Variants in CNTN1 observed in about 807,000 individuals in gnomAD.
The protein encoded by CNTN1 is contactin 1, also known as contactin-1.
CNTN1 carries 38 observed loss-of-function variants against 126.4 expected under a neutral mutation model. That is an observed-to-expected ratio of 0.30 (90% confidence interval 0.23 to 0.39). CNTN1 has a LOEUF of 0.39. CNTN1 is among the 10% of genes least tolerant of loss of function. The pLI, the probability that CNTN1 is intolerant of heterozygous loss-of-function variation, is 1.00. For synonymous variants in CNTN1, 413 were observed against 422.6 expected, an observed-to-expected ratio of 0.98 and a Z score of 0.28; for missense variants, 1,009 against 1,248.4, an observed-to-expected ratio of 0.81 and a Z score of 2.89.
intron 16 of CNTN1, among the ~76,000 whole-genome samples, chr12:40,989,349 T>C (rs1298505725): frequency 6.6e-6 from 1 of 152,180 alleles, no homozygotes; most frequent in Non-Finnish European, 1.5e-5. Context: ...AACCATGTTT[T>C]TAAAAAGCAT....
At chr12:40,842,135 G>T (rs1942309157) in intron 1 of CNTN1, among the ~76,000 whole-genome samples, 1 of 151,986 alleles carries the variant, frequency 6.6e-6, no homozygotes, top group Non-Finnish European at 1.5e-5. Context: ...AATGTGACTG[G>T]CAAATACAGA....
At chr12:40,957,591 A>AT (rs1263788316) in intron 14 of CNTN1, among the ~76,000 whole-genome samples, 9 of 138,092 alleles carry the variant, frequency 6.5e-5, no homozygotes, top group African/African-American at 1.6e-4. Flanking sequence ...CTGGTATGAC[A>AT]AAAATAAATA....
At chr12:40,763,911 A>G (rs901860592) in intron 1 of CNTN1, among the ~76,000 whole-genome samples, 24 of 152,136 alleles carry the variant, frequency 1.6e-4, no homozygotes, top group Admixed American at 5.2e-4. Context: ...CTCTCAGAAT[A>G]TCTCATTAGG....
intron 21 of CNTN1, among the ~76,000 whole-genome samples, chr12:41,026,130 T>C (rs1488511065): frequency 1.3e-5 from 2 of 152,208 alleles, no homozygotes; most frequent in Non-Finnish European, 2.9e-5. Context: ...AAATTACCTA[T>C]TTAAACCTCA....
chr12:40,898,024 T>A (rs115950720), intron 1 of CNTN1, among the ~76,000 whole-genome samples: 1,955 of 152,296 alleles, frequency 0.013, 43 homozygotes, highest in African/African-American at 0.044. Context: ...TTGACCTTTA[T>A]TATTCTCCTT....
chr12:40,896,909 A>T (rs755815185), intron 1 of CNTN1, among the ~76,000 whole-genome samples: 4 of 152,224 alleles, frequency 2.6e-5, no homozygotes, highest in Non-Finnish European at 4.4e-5. Context: ...TAGAGTTGAA[A>T]TTCTTATTTT....
chr12:40,837,971 C>T (rs1056042817), intron 1 of CNTN1, among the ~76,000 whole-genome samples: 2 of 152,154 alleles, frequency 1.3e-5, no homozygotes, highest in African/African-American at 2.4e-5. Flanking sequence ...CCACCCTCTC[C>T]AATGGCAGGG....
intron 23 of CNTN1, among the ~76,000 whole-genome samples, chr12:41,048,754 G>T (rs771025297): frequency 6.6e-6 from 1 of 152,006 alleles, no homozygotes; most frequent in African/African-American, 2.4e-5. Context: ...GAAGGAAGGA[G>T]AGAAAGAGAA....
intron 6 of CNTN1, among the ~76,000 whole-genome samples, chr12:40,927,975 A>T (rs1945753242): frequency 6.6e-6 from 1 of 152,066 alleles, no homozygotes; most frequent in Non-Finnish European, 1.5e-5. Flanking sequence ...TAATAGAGTG[A>T]CTAACTGGCC....
chr12:41,015,864 G>A (rs1355305369), intron 18 of CNTN1, among the ~76,000 whole-genome samples: 2 of 152,118 alleles, frequency 1.3e-5, no homozygotes, highest in Admixed American at 6.5e-5. Context: ...TTCTTTATAA[G>A]GCAATTTACA....
intron 3 of CNTN1, among the ~76,000 whole-genome samples, chr12:40,911,203 C>G (rs1945016485): frequency 6.6e-6 from 1 of 152,154 alleles, no homozygotes; most frequent in African/African-American, 2.4e-5. Flanking sequence ...GCCTCAGCCT[C>G]CCGAGTAGCT....
At chr12:41,067,402 A>C (rs1176823680) in intron 23 of CNTN1, among the ~76,000 whole-genome samples, 1 of 152,158 alleles carries the variant, frequency 6.6e-6, no homozygotes, top group Non-Finnish European at 1.5e-5. Flanking sequence ...GTACATAAAC[A>C]TGTCCCCATG....
chr12:40,950,737 C>T (rs1946642704), intron 14 of CNTN1, among the ~76,000 whole-genome samples: 1 of 151,992 alleles, frequency 6.6e-6, no homozygotes, highest in Admixed American at 6.6e-5. Context: ...TTGCTATTTA[C>T]CAGTGTTAAA....
chr12:41,065,390 C>G (rs2121138326), intron 23 of CNTN1, among the ~76,000 whole-genome samples: 1 of 152,286 alleles, frequency 6.6e-6, no homozygotes, highest in East Asian at 1.9e-4. Flanking sequence ...TATTAGCCAG[C>G]TTGTCCTGTT....
chr12:40,888,460 T>G (rs1333076970), intron 1 of CNTN1, among the ~76,000 whole-genome samples: 3 of 152,118 alleles, frequency 2.0e-5, no homozygotes, highest in East Asian at 3.9e-4. Context: ...TTATTTTGAG[T>G]GTTCAAAAGT....
chr12:40,972,034 G>A, intron 15 of CNTN1: 2 of 985,970 alleles, frequency 2.0e-6, no homozygotes, highest in Non-Finnish European at 2.4e-6. Flanking sequence ...TGGCATGAAA[G>A]AATGAAAAGC....
rs118082372 is a variant in CNTN1 at position 41,003,075 on chromosome 12, C to T, written c.2113+9806C>T. On this transcript the variant is annotated intron_variant, in intron 17 of 23. Transcript: ENST00000551295. ...TGCCCATTCAGTATGATGTTGGCTC[C>T]GGGTTTGTCACAGATAGCTGCTATT... Among the ~76,000 whole-genome samples the T allele has an allele frequency of 6.3e-4, 96 of 152,162 alleles. 1 individual carries two copies. In the East Asian group the frequency reaches 0.015, roughly 23 times the overall value.
At chr12:41,014,814 GT>G (rs1948742523) in intron 18 of CNTN1, among the ~76,000 whole-genome samples, 1 of 152,118 alleles carries the variant, frequency 6.6e-6, no homozygotes, top group East Asian at 1.9e-4. Flanking sequence ...GAGTCAAAGA[GT>G]TCTGTATCAG....
At chr12:40,788,058 CT>C (rs1362819508) in intron 1 of CNTN1, among the ~76,000 whole-genome samples, 1 of 152,070 alleles carries the variant, frequency 6.6e-6, no homozygotes, top group South Asian at 2.1e-4. Flanking sequence ...CAAACTCAGT[CT>C]TTTTTATTTT....
Sources: allele counts gnomAD v4.1 joint callset (sites outside exome capture counted in the v4.1 genomes callset), GRCh38; gene constraint gnomAD v4.1.1; transcripts MANE v1.5; gene names NCBI Gene and HGNC (gene_info 2026-07-23, HGNC 2026-07-21).